Variants in PHACTR4 observed in about 807,000 individuals in gnomAD.
PHACTR4 encodes the protein phosphatase and actin regulator 4.
PHACTR4 carries 51 observed loss-of-function variants against 72.7 expected under a neutral mutation model. That is an observed-to-expected ratio of 0.70 (90% CI 0.56 to 0.89). The LOEUF (loss-of-function observed/expected upper bound fraction) is 0.89. PHACTR4 is among the 40% of genes least tolerant of loss of function. The pLI is 0.00. For synonymous variants in PHACTR4, 255 were observed against 302.5 expected, an observed-to-expected ratio of 0.84 and a Z score of 1.63; for missense variants, 731 against 861.8, an observed-to-expected ratio of 0.85 and a Z score of 1.90.
chr1:28,493,828 C>A (rs532129716), intron 13 of PHACTR4, among the ~76,000 whole-genome samples: 1 of 152,272 alleles, frequency 6.6e-6, no homozygotes, highest in Admixed American at 6.5e-5. Context: ...ATCTTGCCCT[C>A]TCTGGTTCAG....
At chr1:28,444,253 G>T (rs1657271502) in intron 2 of PHACTR4, among the ~76,000 whole-genome samples, 1 of 101,982 alleles carries the variant, frequency 9.8e-6, no homozygotes, top group Admixed American at 1.4e-4. Context: ...TTGAGACAGA[G>T]TCTTGCTCTG....
intron 2 of PHACTR4, chr1:28,438,142 T>C (rs1038617764): frequency 1.7e-6 from 2 of 1,180,442 alleles, no homozygotes; most frequent in Non-Finnish European, 2.1e-6. Flanking sequence ...CATTCTGGAA[T>C]GACAGGCATT....
chr1:28,409,951 A>T (rs968018668), intron 2 of PHACTR4, among the ~76,000 whole-genome samples: 13 of 66,364 alleles, frequency 2.0e-4, no homozygotes, highest in Admixed American at 1.4e-3. Flanking sequence ...TTCTTCATAA[A>T]TTTTTTTTTT....
intron 1 of PHACTR4, among the ~76,000 whole-genome samples, chr1:28,377,759 A>T (rs547324582): frequency 1.9e-4 from 28 of 151,320 alleles, no homozygotes; most frequent in Non-Finnish European, 3.5e-4. Context: ...TGAGCCTGGA[A>T]GGTTGAGGCT....
At chr1:28,458,606 A>G (rs1658577630) in intron 2 of PHACTR4, among the ~76,000 whole-genome samples, 1 of 152,124 alleles carries the variant, frequency 6.6e-6, no homozygotes, top group Non-Finnish European at 1.5e-5. Flanking sequence ...TGAAGGGAGA[A>G]AATAATTTGA....
chr1:28,370,202 G>A (rs1468707688), intron 1 of PHACTR4, among the ~76,000 whole-genome samples: 2 of 152,152 alleles, frequency 1.3e-5, no homozygotes, highest in Admixed American at 6.5e-5. Flanking sequence ...CTGGGGATCC[G>A]GTTACAGTAA....
rs184041207 is a variant in PHACTR4 at position 28,416,564 on chromosome 1, C to G, written c.16+9101C>G. On this transcript the variant is annotated intron_variant, in intron 2 of 13. Coordinates refer to ENST00000373839, the MANE Select transcript of PHACTR4 (RefSeq NM_001048183.3). ...GTAGAAGCCTGGAAAGGCAGTAATG[C>G]TGACATTCTGGACTATTGCCTGTGT... Among the ~76,000 whole-genome samples the G allele has an allele frequency of 1.8e-4, 28 of 152,318 alleles. No homozygotes were observed. The East Asian group carries it at 4.6e-3, about 25-fold the overall frequency.
In PHACTR4 at chr1:28,476,123, G is replaced by T. The variant is rs1264800797; in HGVS notation, c.1438G>T (p.Glu480Ter). ...EMLKVPDDEE[E>*]EEQTCPSTFS... ...ATTTGTTAGTCCAGACGATGAAGAA[G>T]AAGAGGAGCAAACCTGTCCATCCAC... The change falls in exon 8 of 14, where the codon GAA becomes TAA. Residue 480 changes from glutamate (E) to a stop codon, truncating the protein, a stop_gained. Transcript: ENST00000373839. LOFTEE classifies it high-confidence loss of function. The T allele has an allele frequency of 6.2e-7, 1 of 1,603,212 alleles. No homozygotes were observed. Among genetic ancestry groups the T allele is most frequent in the Non-Finnish European group, 8.5e-7 (1 of 1,177,156 alleles).
intron 2 of PHACTR4, among the ~76,000 whole-genome samples, chr1:28,427,214 G>T (rs1473577005): frequency 6.6e-6 from 1 of 151,940 alleles, no homozygotes; most frequent in Non-Finnish European, 1.5e-5. Flanking sequence ...TTGTTTTGCT[G>T]CCATTAGAAC....
chr1:28,473,522 G>C, intron 6 of PHACTR4, 32 bp from the exon 7 acceptor site: 1 of 1,510,972 alleles, frequency 6.6e-7, no homozygotes. Context: ...TTGGAAAGTC[G>C]TGAAATTGAT....
chr1:28,498,420 G>A lies in PHACTR4; in HGVS notation c.*1871G>A, dbSNP rs537158474. 6.6e-6 allele frequency: 1 copy of A among 152,408 alleles called. No homozygotes were observed. The highest frequency in any genetic ancestry group is 2.1e-4 in the South Asian group (1 of 4,826). The allele number at this position is 152,408 out of a possible 1,614,324, so 9.4% of individuals were successfully genotyped here. On this transcript the variant is annotated 3_prime_UTR_variant, in exon 14 of 14. Coordinates refer to ENST00000373839, the MANE Select transcript of PHACTR4 (RefSeq NM_001048183.3). ...CCACACTATAACCAGTATGGTTGGT[G>A]CTGGGGCATTGACTCAGCCCCCCTG... is the stretch of plus-strand genomic sequence containing the variant.
chr1:28,463,437 C>T (rs1267387381), intron 4 of PHACTR4, among the ~76,000 whole-genome samples: 4 of 152,154 alleles, frequency 2.6e-5, no homozygotes, highest in African/African-American at 9.7e-5. Flanking sequence ...ATCACTTTTG[C>T]ATGTATTTCA....
intron 6 of PHACTR4, 119 bp downstream of exon 6, chr1:28,466,887 T>C (rs960756866): frequency 5.8e-5 from 80 of 1,385,744 alleles, no homozygotes; most frequent in Non-Finnish European, 7.7e-5. Flanking sequence ...TCTTGTCCCT[T>C]TGAATGACCT....
intron 2 of PHACTR4, among the ~76,000 whole-genome samples, chr1:28,422,022 G>T (rs756714314): frequency 4.6e-4 from 70 of 152,170 alleles, no homozygotes; most frequent in Non-Finnish European, 9.0e-4. Flanking sequence ...TAACTGCCAT[G>T]CAGGAAAAAG....
At chr1:28,442,369 C>T (rs1380730325) in intron 2 of PHACTR4, among the ~76,000 whole-genome samples, 2 of 149,850 alleles carry the variant, frequency 1.3e-5, no homozygotes, top group African/African-American at 5.0e-5. Flanking sequence ...GAGGCTGAGA[C>T]AGGAGAATCG....
At chr1:28,441,012 A>G (rs1288090068) in intron 2 of PHACTR4, among the ~76,000 whole-genome samples, 2 of 152,206 alleles carry the variant, frequency 1.3e-5, no homozygotes, top group Admixed American at 6.5e-5. Context: ...TAGCAAGTCA[A>G]CTGATGCAAA....
At chr1:28,457,739 T>C (rs1197214888) in intron 2 of PHACTR4, 1 of 712,904 alleles carries the variant, frequency 1.4e-6, no homozygotes, top group East Asian at 1.3e-4. Context: ...TAGCTTATCA[T>C]ATGCTGTTCC....
rs564168172 is a variant in PHACTR4 at position 28,382,598 on chromosome 1, C to T, written c.-39+12773C>T. Among the ~76,000 whole-genome samples, 6 of 151,814 alleles carry T rather than the reference C, an allele frequency of 4.0e-5. No homozygotes were observed. The South Asian group carries it at 8.3e-4, about 21-fold the overall frequency. On this transcript the variant is annotated intron_variant, in intron 1 of 13. Transcript: ENST00000373839. Reference sequence around the variant, plus strand: ...GACTACAGGCGTGAGCCACCGCGCCCGGCCTATCATGAAATTTTTGCCCAT... The same window carrying T: ...GACTACAGGCGTGAGCCACCGCGCCTGGCCTATCATGAAATTTTTGCCCAT...
intron 2 of PHACTR4, among the ~76,000 whole-genome samples, chr1:28,454,910 A>G (rs1334776053): frequency 6.6e-6 from 1 of 152,112 alleles, no homozygotes; most frequent in African/African-American, 2.4e-5. Context: ...ACTTGAACCC[A>G]GCAGTTTGAG....
Sources: gnomAD v4.1 joint callset for allele counts (sites outside exome capture counted in the v4.1 genomes callset) on GRCh38, gnomAD v4.1.1 for gene constraint, MANE v1.5 for transcripts, NCBI Gene and HGNC (gene_info 2026-07-23, HGNC 2026-07-21) for gene names.